Variants in ZNF878 observed in about 807,000 individuals in gnomAD.
ZNF878 encodes the protein zinc finger protein 878.
ZNF878 carries 10 observed loss-of-function variants against 11.1 expected under a neutral mutation model. The ratio of observed to expected loss-of-function variants is 0.90; its 90% CI spans 0.56 to 1.53. The LOEUF (loss-of-function observed/expected upper bound fraction) is 1.53. Among genes scored for constraint, ZNF878 ranks in the 40% most tolerant of loss-of-function variants. The pLI is 0.00. For missense variants in ZNF878, 548 were observed against 626.1 expected, an observed-to-expected ratio of 0.88 and a Z score of 1.33; for synonymous variants, 165 against 209.7, an observed-to-expected ratio of 0.79 and a Z score of 1.84.
chr19:12,052,726 G>C, intron 1 of ZNF878, 73 bp downstream of exon 1: 13 of 1,488,780 alleles, frequency 8.7e-6, no homozygotes, highest in East Asian at 2.5e-5. Context: ...CCCGGGCCCC[G>C]CCACAGCGGG....
chr19:12,045,571 C>T (rs1415630052), intron 3 of ZNF878, among the ~76,000 whole-genome samples: 3 of 151,378 alleles, frequency 2.0e-5, no homozygotes, highest in Admixed American at 6.6e-5. Flanking sequence ...AGTGTGAACC[C>T]GGGAGGCAGA....
intron 2 of ZNF878, 74 bp from the exon 3 acceptor site, chr19:12,046,502 C>A (rs982253643): frequency 1.7e-5 from 26 of 1,557,390 alleles, no homozygotes; most frequent in Non-Finnish European, 2.2e-5. Context: ...ATTCTATGTC[C>A]ATGGCTCATT....
chr19:12,045,321 G>T, intron 3 of ZNF878, 112 bp from the exon 4 acceptor site: 1 of 900,366 alleles, frequency 1.1e-6, no homozygotes, highest in Non-Finnish European at 1.6e-6. Flanking sequence ...TTTCTGTCCT[G>T]TCTGAACATG....
chr19:12,052,789 G>A lies in ZNF878; in HGVS notation c.3+10C>T, dbSNP rs1405547529. The A allele has an allele frequency of 4.6e-6, 7 of 1,534,362 alleles. No homozygotes were observed. In the African/African-American group the frequency reaches 9.6e-5, roughly 21 times the overall value. ...TTTCGCCTTGGGACTCCCCAGCACC[G>A]CATGCTCACCATTTCCTGGCTTCCA... On this transcript the variant is annotated intron_variant, in intron 1 of 3. Transcript: ENST00000547628.
At chr19:12,046,535 A>G (rs1975490649) in intron 2 of ZNF878, 99 bp downstream of exon 2, 2 of 1,577,106 alleles carry the variant, frequency 1.3e-6, no homozygotes, top group Middle Eastern at 3.4e-4. Flanking sequence ...CATTTATTCA[A>G]AGTATTCCCT....
chr19:12,050,716 C>T (rs1272282120), intron 1 of ZNF878, among the ~76,000 whole-genome samples: 1 of 152,194 alleles, frequency 6.6e-6, no homozygotes, highest in Non-Finnish European at 1.5e-5. Flanking sequence ...ACTAACTTCC[C>T]TCTTACTTTT....
chr19:12,052,358 C>T (rs1233131865), intron 1 of ZNF878, among the ~76,000 whole-genome samples: 1 of 152,178 alleles, frequency 6.6e-6, no homozygotes, highest in Non-Finnish European at 1.5e-5. Context: ...ATTCATTAAT[C>T]GCTGTTTGCT....
At chr19:12,049,322 G>A (rs1312739572) in intron 1 of ZNF878, among the ~76,000 whole-genome samples, 1 of 150,254 alleles carries the variant, frequency 6.7e-6, no homozygotes, top group African/African-American at 2.5e-5. Flanking sequence ...TTAGCCAGGT[G>A]TGGTGGCAGG....
At chr19:12,047,051 G>A (rs549446209) in intron 1 of ZNF878, among the ~76,000 whole-genome samples, 13 of 152,208 alleles carry the variant, frequency 8.5e-5, no homozygotes, top group East Asian at 3.9e-4. Context: ...CTTAATGTCC[G>A]AAGTGTGGAT....
In ZNF878 at chr19:12,046,651, C is replaced by T. The variant is rs748280621; in HGVS notation, c.113G>A (p.Arg38Lys). Residue 38 changes from arginine (R) to lysine (K), a missense_variant, in exon 2 of 4, where the codon AGG (arginine) becomes AAG (lysine). This residue lies in a region of ZNF878 where 160 missense variants were observed against 173.3 expected (regional missense o/e 0.92). Coordinates refer to ENST00000547628, the MANE Select transcript of ZNF878 (RefSeq NM_001080404.3). ...LYREVMQETL[R>K]NLTSIGKKWN... ...ATTCTTACCTATGGAGGTCAGGTTC[C>T]TCAAGGTTTCCTGCATCACTTCCCT... The T allele has an allele frequency of 6.2e-7, 1 of 1,613,966 alleles. No individual in the cohort carries two copies. The highest frequency in any genetic ancestry group is 2.2e-5 in the East Asian group (1 of 44,882).
In ZNF878 at chr19:12,044,752, G is replaced by A; in HGVS notation, c.649C>T (p.His217Tyr). The A allele has an allele frequency of 6.2e-7, 1 of 1,614,198 alleles. No individual in the cohort carries two copies. Among genetic ancestry groups the A allele is most frequent in the East Asian group, 2.2e-5 (1 of 44,878 alleles). Residue 217 changes from histidine (H) to tyrosine (Y), a missense_variant, in exon 4 of 4, where the codon CAC becomes TAC. Transcript: ENST00000547628. Reference protein sequence around the residue: ...ALSYLVSFQTHMRMHTGERPH... With the variant: ...ALSYLVSFQTYMRMHTGERPH... The stretch of plus-strand genomic sequence containing the variant: ...CTCTCTCCAGTGTGCATTCTCATGT[G>A]TGTCTGAAAGCTTACAAGATAAGAT...
Position 12,044,304 on chromosome 19 carries a change from G to T in ZNF878, c.1097C>A (p.Pro366His), listed in dbSNP as rs267605285. 5.6e-6 allele frequency: 9 copies of T among 1,612,646 alleles called. No homozygotes were observed. Among genetic ancestry groups the T allele is most frequent in the Middle Eastern group, 1.6e-4 (1 of 6,076 alleles). The stretch of plus-strand genomic sequence containing the variant: ...TTTCCCACATTGTTTACATTCAAAG[G>T]GTTTCTCTCCAGTGTGTGTCCTTTC... ...IHERTHTGEK[P>H]FECKQCGKTF... The change falls in exon 4 of 4, where the codon CCC (proline) becomes CAC (histidine). Residue 366 changes from proline (P) to histidine (H), a missense_variant. Physicochemically the swap from Pro to His is moderately conservative, Grantham distance 77. Around this residue, in one of 3 missense-constraint regions of ZNF878, gnomAD observed 335 missense variants for 358.2 expected, o/e 0.94. Coordinates refer to ENST00000547628, the MANE Select transcript of ZNF878 (RefSeq NM_001080404.3).
chr19:12,044,137 G>T lies in ZNF878; in HGVS notation c.1264C>A (p.Pro422Thr). ...TTACCACATTGCTTACATCCATAGG[G>T]TTTCTCTCCTGTGTGAGTTCGTATG... ...KHIRTHTGEK[P>T]YGCKQCGKVF... The change falls in exon 4 of 4, where the codon CCC becomes ACC. Residue 422 changes from proline to threonine, a missense_variant. Pro to Thr is a conservative substitution (Grantham distance 38). Coordinates refer to ENST00000547628, the MANE Select transcript of ZNF878 (RefSeq NM_001080404.3). 6.2e-7 allele frequency: 1 copy of T among 1,613,778 alleles called. No homozygotes were observed. Among genetic ancestry groups the T allele is most frequent in the Non-Finnish European group, 8.5e-7 (1 of 1,179,966 alleles).
chr19:12,052,465 G>A (rs1975560897), intron 1 of ZNF878, among the ~76,000 whole-genome samples: 1 of 152,158 alleles, frequency 6.6e-6, no homozygotes, highest in Admixed American at 6.5e-5. Flanking sequence ...CCTCCCACAC[G>A]AACCCCACAC....
In ZNF878 at chr19:12,044,471, G is replaced by C. The variant is rs760438433; in HGVS notation, c.930C>G (p.Pro310=). 3 of 1,613,822 alleles carry C rather than the reference G, an allele frequency of 1.9e-6. No individual in the cohort carries two copies. Among genetic ancestry groups the C allele is most frequent in the Non-Finnish European group, 2.5e-6 (3 of 1,179,972 alleles). The part of the protein sequence containing the change: ...VHERKHTGEK[P]YECKLCGKGF... ...CCTTACCACATAGCTTACACTCATA[G>C]GGTTTCTCTCCAGTGTGTTTTCTTT... Residue 310 remains proline (P), a synonymous_variant, in exon 4 of 4, where the codon CCC becomes CCG. Transcript: ENST00000547628.
intron 1 of ZNF878, 90 bp downstream of exon 1, chr19:12,052,709 A>G: frequency 1.4e-6 from 2 of 1,464,700 alleles, no homozygotes; most frequent in Non-Finnish European, 1.8e-6. Flanking sequence ...GAGTCGCTGC[A>G]GGGGGGCCCG....
intron 1 of ZNF878, among the ~76,000 whole-genome samples, chr19:12,050,596 C>G (rs1044952460): frequency 7.9e-5 from 12 of 152,144 alleles, no homozygotes; most frequent in African/African-American, 2.4e-4. Flanking sequence ...CCTTCCATTC[C>G]CTGATTACAG....
At chr19:12,049,126 G>A (rs1975524956) in intron 1 of ZNF878, among the ~76,000 whole-genome samples, 1 of 147,826 alleles carries the variant, frequency 6.8e-6, no homozygotes, top group Non-Finnish European at 1.5e-5. Context: ...CTGGGCGAGA[G>A]GCAGCTCCGT....
At chr19:12,045,645 T>TCAAA (rs112087673) in intron 3 of ZNF878, among the ~76,000 whole-genome samples, 26,690 of 151,602 alleles carry the variant, frequency 0.18, 5,743 homozygotes, top group African/African-American at 0.52. Context: ...AGACACTGTC[T>TCAAA]CAAACAAACA....
Sources: allele counts gnomAD v4.1 joint callset (sites outside exome capture counted in the v4.1 genomes callset), GRCh38; gene constraint gnomAD v4.1.1; regional missense constraint gnomAD v4.1.1; transcripts MANE v1.5; gene names NCBI Gene and HGNC (gene_info 2026-07-23, HGNC 2026-07-21).